The following GRIA4 variants were observed in gnomAD, a reference collection of about 807,000 sequenced individuals.
The protein encoded by GRIA4 is glutamate receptor 4.
In GRIA4, 34 loss-of-function variants were observed where a neutral mutation model predicts 104.0. The ratio of observed to expected loss-of-function variants is 0.33; its 90% CI spans 0.25 to 0.44. The LOEUF is 0.44. GRIA4 is among the 20% of genes least tolerant of loss of function. GRIA4 has a pLI of 1.00. For missense variants in GRIA4, 750 were observed against 1,096.5 expected (o/e 0.68, Z 4.46); for synonymous variants, 386 against 381.9 (o/e 1.01, Z -0.13).
chr11:105,964,794 GT>G (rs981361419), intron 14 of GRIA4, among the ~76,000 whole-genome samples: 12 of 141,862 alleles, frequency 8.5e-5, no homozygotes, highest in African/African-American at 3.1e-4. Context: ...GTTTTTTTTT[GT>G]TTTTTTTTTG....
chr11:105,911,775 A>ATATATATATATATATATATATAT, intron 10 of GRIA4: 1 of 72,974 alleles, frequency 1.4e-5, no homozygotes, highest in African/African-American at 6.9e-5. Context: ...CTTGAAAAGC[A>ATATATATATATATATATATATAT]ATATATATAT....
intron 3 of GRIA4, among the ~76,000 whole-genome samples, chr11:105,646,536 A>G (rs1386306219): frequency 1.3e-5 from 2 of 152,210 alleles, no homozygotes; most frequent in Non-Finnish European, 2.9e-5. Context: ...CTAAAACTGT[A>G]GCCCTATACT....
rs1034891826 is a variant in GRIA4 at position 105,954,494 on chromosome 11, C to G, written c.2295-17420C>G. 1.3e-4 allele frequency among the ~76,000 whole-genome samples: 20 copies of G among 152,078 alleles called. 1 individual carries two copies. The highest frequency in any genetic ancestry group is 3.4e-4 in the African/African-American group (14 of 41,412). On this transcript the variant is annotated intron_variant, in intron 14 of 16. Transcript: ENST00000282499. The stretch of plus-strand genomic sequence containing the variant: ...TTTAAGTTCATCATCATCTTACACC[C>G]AGAGATTGTGATTTGTTGTATTTTC...
chr11:105,665,359 CT>C (rs1354340435), intron 3 of GRIA4, among the ~76,000 whole-genome samples: 1 of 151,900 alleles, frequency 6.6e-6, no homozygotes, highest in African/African-American at 2.4e-5. Context: ...AACTGAGCCC[CT>C]GAAAGTTTAA....
rs1321539690 is a variant in GRIA4 at position 105,623,764 on chromosome 11, ATC to A, written c.247+11332_247+11333del. The stretch of plus-strand genomic sequence containing the variant: ...ATATCACATTGCCAACCTAATGATC[ATC>A]TTTTTTTTATCACAATCTGTAACTA... On this transcript the variant is annotated intron_variant, in intron 3 of 16. Coordinates refer to ENST00000282499, the MANE Select transcript of GRIA4 (RefSeq NM_000829.4). Among the ~76,000 whole-genome samples, 28 of 151,764 alleles carry A rather than the reference ATC, an allele frequency of 1.8e-4. 1 individual carries two copies. Among genetic ancestry groups the A allele is most frequent in the African/African-American group, 6.6e-4 (27 of 41,152 alleles).
intron 4 of GRIA4, among the ~76,000 whole-genome samples, chr11:105,804,058 T>C (rs927610793): frequency 6.6e-6 from 1 of 151,952 alleles, no homozygotes. Context: ...TGGAATTTTA[T>C]TGTAGGATGC....
At chr11:105,968,224 T>C (rs531174917) in intron 14 of GRIA4, among the ~76,000 whole-genome samples, 1 of 152,294 alleles carries the variant, frequency 6.6e-6, no homozygotes, top group African/African-American at 2.4e-5. Context: ...GTACCACACA[T>C]GGAAAGGTTT....
chr11:105,682,142 C>T (rs1952730373), intron 3 of GRIA4, among the ~76,000 whole-genome samples: 1 of 152,158 alleles, frequency 6.6e-6, no homozygotes, highest in Non-Finnish European at 1.5e-5. Flanking sequence ...TACATTTCTA[C>T]TAGACCGTGC....
At chr11:105,716,715 T>C (rs774982944) in intron 3 of GRIA4, among the ~76,000 whole-genome samples, 6 of 152,170 alleles carry the variant, frequency 3.9e-5, no homozygotes, top group Non-Finnish European at 7.4e-5. Context: ...CCATTTTCTC[T>C]AGACACATCC....
intron 3 of GRIA4, among the ~76,000 whole-genome samples, chr11:105,684,872 C>G (rs908548723): frequency 2.6e-5 from 4 of 151,632 alleles, no homozygotes; most frequent in Non-Finnish European, 4.4e-5. Flanking sequence ...ATTATCCTGC[C>G]TTACTAACTT....
intron 6 of GRIA4, 84 bp downstream of exon 6, chr11:105,887,656 A>G (rs1035000225): frequency 2.5e-5 from 18 of 727,472 alleles, no homozygotes; most frequent in Non-Finnish European, 4.0e-5. Context: ...TAATGCTTCA[A>G]TAAATAGAGT....
rs536003986 is a variant in GRIA4 at position 105,887,952 on chromosome 11, G to A, written c.726+380G>A. 2.0e-5 allele frequency among the ~76,000 whole-genome samples: 3 copies of A among 151,940 alleles called. No individual in the cohort carries two copies. The South Asian group carries it at 6.2e-4, about 31-fold the overall frequency. On this transcript the variant is annotated intron_variant, in intron 6 of 16. Coordinates refer to ENST00000282499, the MANE Select transcript of GRIA4 (RefSeq NM_000829.4). ...ATGTTCTCTAATTTTAAGAATAACT[G>A]TATATAATGGCTATATAAGCAAATC...
At chr11:105,695,385 T>C (rs1289052524) in intron 3 of GRIA4, among the ~76,000 whole-genome samples, 1 of 152,084 alleles carries the variant, frequency 6.6e-6, no homozygotes, top group African/African-American at 2.4e-5. Context: ...GGGCCTTCTG[T>C]CCTTGTCTTG....
intron 4 of GRIA4, among the ~76,000 whole-genome samples, chr11:105,849,232 T>G (rs1311828952): frequency 6.6e-6 from 1 of 152,060 alleles, no homozygotes; most frequent in Non-Finnish European, 1.5e-5. Flanking sequence ...GAATTCCCTC[T>G]TCTCCCTTTG....
intron 14 of GRIA4, among the ~76,000 whole-genome samples, chr11:105,943,483 T>C (rs1948231400): frequency 6.6e-6 from 1 of 152,116 alleles, no homozygotes; most frequent in Non-Finnish European, 1.5e-5. Context: ...TTGATCCACA[T>C]AATGTGGTAG....
chr11:105,876,780 C>T (rs531552501), intron 5 of GRIA4, among the ~76,000 whole-genome samples: 79 of 152,204 alleles, frequency 5.2e-4, no homozygotes, highest in African/African-American at 1.8e-3. Context: ...AATCTTCCTC[C>T]ATCTCTTTAT....
chr11:105,683,688 G>C (rs1441802322), intron 3 of GRIA4, among the ~76,000 whole-genome samples: 1 of 152,072 alleles, frequency 6.6e-6, no homozygotes, highest in East Asian at 1.9e-4. Flanking sequence ...AAAGCCTTGA[G>C]TATCATCTCC....
intron 14 of GRIA4, among the ~76,000 whole-genome samples, chr11:105,948,193 C>A (rs901136958): frequency 6.6e-6 from 1 of 152,140 alleles, no homozygotes; most frequent in African/African-American, 2.4e-5. Context: ...TCAGCCTAAA[C>A]AAAATTCAGG....
chr11:105,800,821 T>C (rs1276634277), intron 4 of GRIA4, among the ~76,000 whole-genome samples: 1 of 151,988 alleles, frequency 6.6e-6, no homozygotes, highest in African/African-American at 2.4e-5. Context: ...TTCTAAGATA[T>C]AAATAAATAA....
Sources: allele counts gnomAD v4.1 joint callset (sites outside exome capture counted in the v4.1 genomes callset), GRCh38; gene constraint gnomAD v4.1.1; transcripts MANE v1.5; gene names NCBI Gene and HGNC (gene_info 2026-07-23, HGNC 2026-07-21).